USP48: variants seen among roughly 807,000 people sequenced by gnomAD.
The protein encoded by USP48 is ubiquitin carboxyl-terminal hydrolase 48.
Under a neutral mutation model 150.7 loss-of-function variants are expected in USP48, and 43 were observed. The observed-to-expected ratio is 0.29, with a 90% CI of 0.22 to 0.37. The LOEUF is 0.37. USP48 is among the 10% of genes least tolerant of loss of function. The pLI, the probability that USP48 is intolerant of heterozygous loss-of-function variation, is 1.00. For synonymous variants in USP48, 396 were observed against 425.9 expected, an observed-to-expected ratio of 0.93 and a Z score of 0.86; for missense variants, 813 against 1,249.6, an observed-to-expected ratio of 0.65 and a Z score of 5.27.
At chr1:21,715,124 G>A (rs959405001) in intron 15 of USP48, 1 of 354,730 alleles carries the variant, frequency 2.8e-6, no homozygotes, top group Non-Finnish European at 5.2e-6. Flanking sequence ...AGAAACATAC[G>A]AGCACTATTC....
At chr1:21,728,783 A>G in intron 10 of USP48, 64 bp from the exon 11 acceptor site, 1 of 1,559,136 alleles carries the variant, frequency 6.4e-7, no homozygotes. Context: ...GAACCATGCT[A>G]ATCTCTAAAT....
At chr1:21,694,572 CAAAAAA>C (rs1204062748) in intron 23 of USP48, among the ~76,000 whole-genome samples, 4 of 12,018 alleles carry the variant, frequency 3.3e-4, no homozygotes, top group African/African-American at 1.4e-3. Flanking sequence ...TCTGTCTCAC[CAAAAAA>C]AAAAAAAAAA....
chr1:21,752,903 A>G, intron 4 of USP48, 89 bp downstream of exon 4: 1 of 1,447,176 alleles, frequency 6.9e-7, no homozygotes, highest in Non-Finnish European at 9.1e-7. Context: ...ATTTTTAAAA[A>G]GCATTCTACT....
At chr1:21,767,135 C>T (rs1421781325) in intron 1 of USP48, among the ~76,000 whole-genome samples, 2 of 152,134 alleles carry the variant, frequency 1.3e-5, no homozygotes, top group Non-Finnish European at 2.9e-5. Flanking sequence ...GTATAATACT[C>T]TACTCCCAGG....
intron 25 of USP48, 199 bp from the exon 26 acceptor site, chr1:21,681,033 G>A (rs2097564442): frequency 2.1e-6 from 1 of 487,444 alleles, no homozygotes; most frequent in Admixed American, 4.3e-5. Flanking sequence ...CAATACGTAT[G>A]CATCATTTAA....
Position 21,721,131 on chromosome 1 carries a change from C to T in USP48, c.1799G>A (p.Arg600Gln), listed in dbSNP as rs1047147841. The T allele has an allele frequency of 3.1e-6, 5 of 1,614,126 alleles. No homozygotes were observed. The highest frequency in any genetic ancestry group is 3.4e-6 in the Non-Finnish European group (4 of 1,180,044). Residue 600 changes from arginine (R) to glutamine (Q), a missense_variant, in exon 14 of 27, where the codon CGG (arginine) becomes CAG (glutamine). Transcript: ENST00000308271. ...TTCAAGAGCTAGCTGGCGCCAACTC[C>T]GCAAGGAGGACTTCCCCACCCAAAA... is the stretch of plus-strand genomic sequence containing the variant. ...DGFWVGKSSL[R>Q]SWRQLALEQL...
intron 8 of USP48, among the ~76,000 whole-genome samples, chr1:21,744,355 G>A (rs1162967526): frequency 1.3e-5 from 2 of 151,634 alleles, no homozygotes; most frequent in African/African-American, 2.4e-5. Context: ...CTGAGGCAGA[G>A]AGAATTGCTT....
In USP48 at chr1:21,721,026, A is replaced by G. The variant is rs201064701; in HGVS notation, c.1894+10T>C. 1.2e-6 allele frequency: 2 copies of G among 1,614,022 alleles called. No individual in the cohort carries two copies. The highest frequency in any genetic ancestry group is 1.1e-5 in the South Asian group (1 of 91,036). The stretch of plus-strand genomic sequence containing the variant: ...TTCACAATGATCTACACATAGGTTT[A>G]AAGTGTTACCTTTATTTAAGGTGCT... On this transcript the variant is annotated intron_variant, in intron 14 of 26. Transcript: ENST00000308271.
At position 21,734,404 on chromosome 1, in the gene USP48, A is replaced by T. The variant is rs550181639; in HGVS notation, c.1171+2042T>A. Among the ~76,000 whole-genome samples the T allele has an allele frequency of 6.0e-3, 915 of 152,332 alleles. 5 individuals are homozygous for T. Among genetic ancestry groups the T allele is most frequent in the Non-Finnish European group, 0.01 (683 of 68,038 alleles). ...ACAGAGCAAGACTCTGTCTCAAAAA[A>T]ATATATAAATAAAAGGAAAGAAAAT... On this transcript the variant is annotated intron_variant, in intron 9 of 26. Coordinates refer to ENST00000308271, the MANE Select transcript of USP48 (RefSeq NM_032236.8).
Position 21,721,040 on chromosome 1 carries a change from A to C in USP48, c.1890T>G (p.Asn630Lys). 6.2e-7 allele frequency: 1 copy of C among 1,614,222 alleles called. No homozygotes were observed. The highest frequency in any genetic ancestry group is 8.5e-7 in the Non-Finnish European group (1 of 1,180,020). Reference protein sequence around the residue: ...SNGKMNGSTLNKDESKEERKE... With the variant: ...SNGKMNGSTLKKDESKEERKE... ...CACATAGGTTTAAAGTGTTACCTTT[A>C]TTTAAGGTGCTACCGTTCATCTTTC... The change falls in exon 14 of 27, where the codon AAT (asparagine) becomes AAG (lysine). Residue 630 changes from asparagine to lysine, a missense_variant. Transcript: ENST00000308271.
chr1:21,772,341 G>A (rs779812159), intron 1 of USP48, among the ~76,000 whole-genome samples: 7 of 151,918 alleles, frequency 4.6e-5, no homozygotes, highest in South Asian at 2.1e-4. Context: ...AAACTAGGCC[G>A]GGCCGGGCAT....
At chr1:21,775,373 C>A (rs545517620) in intron 1 of USP48, among the ~76,000 whole-genome samples, 1 of 152,102 alleles carries the variant, frequency 6.6e-6, no homozygotes, top group African/African-American at 2.4e-5. Context: ...GCAATTCTCG[C>A]GCCTCAGCCT....
Position 21,682,798 on chromosome 1 carries a change from C to T in USP48, c.3059-1964G>A, listed in dbSNP as rs2097569748. 2.0e-5 allele frequency among the ~76,000 whole-genome samples: 3 copies of T among 151,662 alleles called. No individual in the cohort carries two copies. The South Asian group carries it at 6.3e-4, about 32-fold the overall frequency. ...GCTGAGGCAGAAGAATCGCTTGAAC[C>T]CAGGACGGGGAGATTGTAGTGAGCC... On this transcript the variant is annotated intron_variant, in intron 25 of 26. Coordinates refer to ENST00000308271, the MANE Select transcript of USP48 (RefSeq NM_032236.8).
chr1:21,697,335 C>T (rs543476014), intron 22 of USP48, among the ~76,000 whole-genome samples: 2 of 151,854 alleles, frequency 1.3e-5, no homozygotes, highest in Admixed American at 1.3e-4. Context: ...AAAAATGAAA[C>T]CCGATGAAAC....
intron 15 of USP48, among the ~76,000 whole-genome samples, chr1:21,711,111 A>G (rs2097689055): frequency 6.6e-6 from 1 of 152,090 alleles, no homozygotes. Context: ...TATATAAAAG[A>G]CATACAGTTA....
intron 5 of USP48, among the ~76,000 whole-genome samples, chr1:21,751,816 G>A (rs753859724): frequency 2.0e-5 from 3 of 151,922 alleles, no homozygotes; most frequent in East Asian, 1.9e-4. Context: ...TCAGGAATTC[G>A]AGACCAGCCT....
intron 18 of USP48, 55 bp downstream of exon 18, chr1:21,706,071 C>T (rs571728139): frequency 2.6e-6 from 4 of 1,564,076 alleles, no homozygotes; most frequent in East Asian, 4.5e-5. Context: ...TTAAAAAATA[C>T]CAGAGTCAAC....
At chr1:21,701,904 G>T (rs2097658089) in intron 21 of USP48, among the ~76,000 whole-genome samples, 1 of 152,196 alleles carries the variant, frequency 6.6e-6, no homozygotes, top group Admixed American at 6.5e-5. Flanking sequence ...TTTTGCAGAA[G>T]TTCGAAGGTG....
chr1:21,688,842 CAAAAA>C (rs1185263002), intron 24 of USP48, among the ~76,000 whole-genome samples: 46 of 88,996 alleles, frequency 5.2e-4, no homozygotes, highest in African/African-American at 2.0e-3. Flanking sequence ...GACTCCATCT[CAAAAA>C]AAAAAAAAAA....
Sources: gnomAD v4.1 joint callset for allele counts (sites outside exome capture counted in the v4.1 genomes callset) on GRCh38, gnomAD v4.1.1 for gene constraint, MANE v1.5 for transcripts, NCBI Gene and HGNC (gene_info 2026-07-23, HGNC 2026-07-21) for gene names.